DCC: variants seen among roughly 807,000 people sequenced by gnomAD.
DCC encodes the protein netrin receptor DCC.
A neutral mutation model predicts 172.5 loss-of-function variants in DCC; 58 were observed. That is an observed-to-expected ratio of 0.34 (90% CI 0.27 to 0.42). The LOEUF is 0.42. DCC is among the 10% of genes least tolerant of loss of function. DCC has a pLI of 1.00. For missense variants in DCC, 1,740 were observed against 1,791.0 expected (o/e 0.97, Z 0.51); for synonymous variants, 709 against 644.5 (o/e 1.10, Z -1.52).
intron 2 of DCC, among the ~76,000 whole-genome samples, chr18:52,846,550 A>G (rs1274681969): frequency 6.6e-6 from 1 of 150,412 alleles, no homozygotes; most frequent in Non-Finnish European, 1.5e-5. Context: ...AAGAGAAAAA[A>G]AAAATTCAGA....
intron 5 of DCC, among the ~76,000 whole-genome samples, chr18:53,031,981 T>A (rs1413742594): frequency 6.6e-6 from 1 of 152,184 alleles, no homozygotes; most frequent in Non-Finnish European, 1.5e-5. Context: ...AATATAAGAA[T>A]GTGATATTTT....
chr18:53,327,124 A>G (rs1279746837), intron 14 of DCC, among the ~76,000 whole-genome samples: 2 of 152,214 alleles, frequency 1.3e-5, no homozygotes, highest in African/African-American at 2.4e-5. Flanking sequence ...AGCATTGTGA[A>G]GATAACTGTA....
chr18:52,927,158 C>CGTATGTATGT (rs2040228238), intron 5 of DCC, among the ~76,000 whole-genome samples: 1 of 25,438 alleles, frequency 3.9e-5, no homozygotes, highest in South Asian at 7.6e-4. Flanking sequence ...TGTATATATA[C>CGTATGTATGT]GTATATATGT....
At chr18:53,127,347 G>C (rs1483515148) in intron 7 of DCC, among the ~76,000 whole-genome samples, 2 of 151,866 alleles carry the variant, frequency 1.3e-5, no homozygotes, top group Non-Finnish European at 2.9e-5. Flanking sequence ...TATTCGGATA[G>C]AGCTTCCGAT....
chr18:53,290,933 C>T (rs1459229351), intron 12 of DCC, among the ~76,000 whole-genome samples: 1 of 152,086 alleles, frequency 6.6e-6, no homozygotes, highest in African/African-American at 2.4e-5. Flanking sequence ...CTTTGGGAGG[C>T]TGAGGCTAGC....
chr18:52,626,649 T>G (rs2034578959), intron 1 of DCC, among the ~76,000 whole-genome samples: 1 of 152,162 alleles, frequency 6.6e-6, no homozygotes, highest in Non-Finnish European at 1.5e-5. Flanking sequence ...AAAATACAGT[T>G]AGCCCTCCGT....
intron 12 of DCC, among the ~76,000 whole-genome samples, chr18:53,303,869 G>A (rs2057169225): frequency 6.6e-6 from 1 of 152,140 alleles, no homozygotes; most frequent in Non-Finnish European, 1.5e-5. Context: ...CAGGTCACAT[G>A]AACAAATTGA....
chr18:52,506,878 G>A (rs548135227), intron 1 of DCC, among the ~76,000 whole-genome samples: 1 of 152,068 alleles, frequency 6.6e-6, no homozygotes, highest in African/African-American at 2.4e-5. Flanking sequence ...AGTGACAGTT[G>A]TTACGGATAT....
At chr18:52,788,653 G>A (rs932653907) in intron 2 of DCC, among the ~76,000 whole-genome samples, 3 of 152,030 alleles carry the variant, frequency 2.0e-5, no homozygotes, top group African/African-American at 7.2e-5. Context: ...CACATATATA[G>A]CAACACAGAA....
chr18:53,323,651 GA>G (rs1454991444), intron 14 of DCC, among the ~76,000 whole-genome samples: 14 of 152,066 alleles, frequency 9.2e-5, no homozygotes, highest in Non-Finnish European at 1.5e-4. Context: ...TGGATGGATG[GA>G]TGGTGGTTGG....
chr18:52,978,318 G>GA (rs945797646), intron 5 of DCC, among the ~76,000 whole-genome samples: 3 of 151,624 alleles, frequency 2.0e-5, no homozygotes, highest in East Asian at 1.9e-4. Context: ...GGAAAGTAAA[G>GA]AAAAAAAATA....
At chr18:52,703,026 C>T (rs1330499587) in intron 1 of DCC, among the ~76,000 whole-genome samples, 2 of 152,176 alleles carry the variant, frequency 1.3e-5, no homozygotes, top group Admixed American at 6.5e-5. Context: ...AACATAGACA[C>T]TTCTCTACAT....
At chr18:52,960,710 T>A (rs1457856756) in intron 5 of DCC, among the ~76,000 whole-genome samples, 1 of 152,140 alleles carries the variant, frequency 6.6e-6, no homozygotes, top group Admixed American at 6.5e-5. Flanking sequence ...CTGAGCTTTG[T>A]AATTTGGCTT....
intron 1 of DCC, among the ~76,000 whole-genome samples, chr18:52,490,034 CCTT>C (rs757909401): frequency 2.1e-4 from 32 of 151,732 alleles, no homozygotes; most frequent in Admixed American, 1.4e-3. Context: ...TGATGGCAGT[CCTT>C]CTACGGTTTT....
chr18:53,388,517 G>T (rs1908325460), intron 16 of DCC, among the ~76,000 whole-genome samples: 1 of 152,206 alleles, frequency 6.6e-6, no homozygotes, highest in African/African-American at 2.4e-5. Flanking sequence ...CACAGATGTT[G>T]GTGAGCTCTG....
At chr18:53,248,337 G>C (rs2056389153) in intron 12 of DCC, among the ~76,000 whole-genome samples, 2 of 151,934 alleles carry the variant, frequency 1.3e-5, no homozygotes. Flanking sequence ...CCCCCAGAAT[G>C]GTCCTGTGGG....
At chr18:53,497,470 A>G (rs943582419) in intron 26 of DCC, among the ~76,000 whole-genome samples, 1 of 152,188 alleles carries the variant, frequency 6.6e-6, no homozygotes, top group Non-Finnish European at 1.5e-5. Flanking sequence ...TGAGGAGAGG[A>G]CTTGATGTCA....
chr18:52,355,724 G>T (rs1327793746), intron 1 of DCC, among the ~76,000 whole-genome samples: 1 of 151,942 alleles, frequency 6.6e-6, no homozygotes, highest in Non-Finnish European at 1.5e-5. Context: ...CCTAAGCAGT[G>T]CAAGCATGTA....
chr18:53,194,792 T>A (rs1568358174), intron 9 of DCC, among the ~76,000 whole-genome samples: 1 of 152,186 alleles, frequency 6.6e-6, no homozygotes, highest in African/African-American at 2.4e-5. Flanking sequence ...TTAAGCATAA[T>A]CTTGGTCAGA....
Sources: allele counts gnomAD v4.1 joint callset (sites outside exome capture counted in the v4.1 genomes callset), GRCh38; gene constraint gnomAD v4.1.1; transcripts MANE v1.5; gene names NCBI Gene and HGNC (gene_info 2026-07-23, HGNC 2026-07-21).